Variants in PPFIA2 observed in about 807,000 individuals in gnomAD.
PPFIA2 encodes PPFI scaffold protein A2.
PPFIA2 carries 46 observed loss-of-function variants against 175.5 expected under a neutral mutation model. That is an observed-to-expected ratio of 0.26 (90% confidence interval 0.21 to 0.34). The LOEUF (loss-of-function observed/expected upper bound fraction) is 0.34, where lower values mean the gene tolerates loss of function less well. Ranked by LOEUF, PPFIA2 falls within the 10% of genes least tolerant of loss-of-function variation. The pLI, the probability that PPFIA2 is intolerant of heterozygous loss-of-function variation, is 1.00. For synonymous variants in PPFIA2, 568 were observed against 511.4 expected, an observed-to-expected ratio of 1.11 and a Z score of -1.49; for missense variants, 1,179 against 1,506.1, an observed-to-expected ratio of 0.78 and a Z score of 3.60.
chr12:81,296,879 A>G (rs1264830296), intron 23 of PPFIA2: 1 of 151,930 alleles, frequency 6.6e-6, no homozygotes, highest in African/African-American at 2.4e-5. Flanking sequence ...CCCTTCTATA[A>G]TCTCCTTCTT....
At chr12:81,278,338 C>T (rs965687608) in intron 27 of PPFIA2, among the ~76,000 whole-genome samples, 7 of 151,916 alleles carry the variant, frequency 4.6e-5, no homozygotes, top group Non-Finnish European at 1.0e-4. Flanking sequence ...GTCAGGAGTT[C>T]GAGACCAGCT....
chr12:81,696,211 C>A (rs1567900016), intron 3 of PPFIA2, among the ~76,000 whole-genome samples: 1 of 152,134 alleles, frequency 6.6e-6, no homozygotes, highest in East Asian at 1.9e-4. Flanking sequence ...GTACACACAG[C>A]AAATGCAAAT....
chr12:81,445,173 T>C (rs1171682926), intron 6 of PPFIA2, among the ~76,000 whole-genome samples: 2 of 139,492 alleles, frequency 1.4e-5, no homozygotes, highest in East Asian at 4.2e-4. Flanking sequence ...GTTAGTGGTC[T>C]CTTATTTTGG....
intron 3 of PPFIA2, among the ~76,000 whole-genome samples, chr12:81,712,999 A>G (rs1437864596): frequency 6.6e-6 from 1 of 151,128 alleles, no homozygotes; most frequent in Non-Finnish European, 1.5e-5. Context: ...CAAAGTCTAA[A>G]ATGTCACGAT....
intron 4 of PPFIA2, among the ~76,000 whole-genome samples, chr12:81,662,400 C>G (rs2153549724): frequency 6.6e-6 from 1 of 152,262 alleles, no homozygotes; most frequent in East Asian, 1.9e-4. Flanking sequence ...ATACAAACTA[C>G]CATCAGAGAA....
At chr12:81,691,861 T>C (rs767795100) in intron 3 of PPFIA2, among the ~76,000 whole-genome samples, 4 of 152,156 alleles carry the variant, frequency 2.6e-5, no homozygotes, top group Admixed American at 6.6e-5. Flanking sequence ...TTTTATTTTA[T>C]AATATTCTTT....
chr12:81,280,657 T>C (rs1445285480), intron 27 of PPFIA2, among the ~76,000 whole-genome samples: 3 of 152,134 alleles, frequency 2.0e-5, no homozygotes, highest in African/African-American at 7.2e-5. Context: ...GACCCCTTTT[T>C]ATCTGCTGGA....
intron 7 of PPFIA2, among the ~76,000 whole-genome samples, chr12:81,407,154 CTTAAA>C (rs1566688367): frequency 6.6e-6 from 1 of 152,170 alleles, no homozygotes; most frequent in Non-Finnish European, 1.5e-5. Flanking sequence ...ATCTTTCAAA[CTTAAA>C]TTAGATTGTG....
At chr12:81,525,309 G>T (rs1035663317) in intron 4 of PPFIA2, among the ~76,000 whole-genome samples, 2 of 152,162 alleles carry the variant, frequency 1.3e-5, no homozygotes, top group Non-Finnish European at 2.9e-5. Context: ...GAGGTGAAAA[G>T]ATTTTTGCAC....
chr12:81,419,561 C>T (rs1436375232), intron 7 of PPFIA2, among the ~76,000 whole-genome samples: 2 of 151,688 alleles, frequency 1.3e-5, no homozygotes, highest in African/African-American at 4.8e-5. Flanking sequence ...TTTAACTTTT[C>T]TAAGATGGAA....
At chr12:81,286,250 A>G (rs1472786054) in intron 24 of PPFIA2, among the ~76,000 whole-genome samples, 2 of 152,086 alleles carry the variant, frequency 1.3e-5, no homozygotes, top group Non-Finnish European at 2.9e-5. Context: ...AAATGTTACC[A>G]TAAGCTAAGG....
chr12:81,348,309 A>G (rs952140698), intron 17 of PPFIA2, among the ~76,000 whole-genome samples: 10 of 152,220 alleles, frequency 6.6e-5, no homozygotes, highest in African/African-American at 2.4e-4. Flanking sequence ...TAATTAGCCA[A>G]ATAAAACCCT....
At chr12:81,274,219 C>A (rs575250186) in intron 28 of PPFIA2, among the ~76,000 whole-genome samples, 2 of 152,106 alleles carry the variant, frequency 1.3e-5, no homozygotes, top group African/African-American at 2.4e-5. Context: ...ATTAAACACA[C>A]CGTTTTTTAA....
At chr12:81,692,604 T>C (rs906712018) in intron 3 of PPFIA2, among the ~76,000 whole-genome samples, 2 of 152,168 alleles carry the variant, frequency 1.3e-5, no homozygotes, top group African/African-American at 4.8e-5. Context: ...AGCAATTTTC[T>C]TCCTCTGGAT....
intron 3 of PPFIA2, among the ~76,000 whole-genome samples, chr12:81,753,391 GCTTAA>G (rs1223035674): frequency 6.6e-6 from 1 of 151,658 alleles, no homozygotes; most frequent in Non-Finnish European, 1.5e-5. Flanking sequence ...AGTTAGTGAG[GCTTAA>G]CTTTTTCCCT....
intron 4 of PPFIA2, among the ~76,000 whole-genome samples, chr12:81,570,255 C>T (rs1354800058): frequency 6.6e-6 from 1 of 152,144 alleles, no homozygotes; most frequent in African/African-American, 2.4e-5. Flanking sequence ...TTTGACTTGA[C>T]AATTACATTT....
intron 4 of PPFIA2, among the ~76,000 whole-genome samples, chr12:81,575,762 T>C (rs2073409207): frequency 6.6e-6 from 1 of 151,748 alleles, no homozygotes; most frequent in Non-Finnish European, 1.5e-5. Context: ...TTCAGTTGCA[T>C]ATGTAAGTAT....
intron 4 of PPFIA2, among the ~76,000 whole-genome samples, chr12:81,635,579 C>A (rs1477283919): frequency 2.0e-5 from 3 of 152,268 alleles, no homozygotes; most frequent in Non-Finnish European, 4.4e-5. Context: ...TCAGACCTGG[C>A]AGCTGAAATC....
intron 3 of PPFIA2, among the ~76,000 whole-genome samples, chr12:81,749,444 T>C (rs2083462688): frequency 7.0e-6 from 1 of 143,840 alleles, no homozygotes; most frequent in African/African-American, 2.4e-5. Flanking sequence ...AAAAAGGTGA[T>C]GAAAACAAAT....
Sources: allele counts gnomAD v4.1 joint callset (sites outside exome capture counted in the v4.1 genomes callset), GRCh38; gene constraint gnomAD v4.1.1; transcripts MANE v1.5; gene names NCBI Gene and HGNC (gene_info 2026-07-23, HGNC 2026-07-21).